The following CDH18 variants were observed in gnomAD, a reference collection of about 807,000 sequenced individuals.
CDH18 encodes the protein cadherin-18.
CDH18 carries 31 observed loss-of-function variants against 67.9 expected under a neutral mutation model. That is an observed-to-expected ratio of 0.46 (90% CI 0.34 to 0.62). The LOEUF (loss-of-function observed/expected upper bound fraction) is 0.62. Among genes scored for constraint, CDH18 ranks in the 20% least tolerant of loss-of-function variants. The pLI is 0.01. For missense variants in CDH18, 890 were observed against 975.5 expected (o/e 0.91, Z 1.17); for synonymous variants, 362 against 347.2 (o/e 1.04, Z -0.48).
intron 2 of CDH18, among the ~76,000 whole-genome samples, chr5:20,151,607 G>A (rs1706197992): frequency 6.6e-6 from 1 of 152,138 alleles, no homozygotes; most frequent in Non-Finnish European, 1.5e-5. Context: ...CTCACCAACA[G>A]TATATAGTAT....
At position 19,994,105 on chromosome 5, in the gene CDH18, A is replaced by G. The variant is rs577020362; in HGVS notation, c.-517-2091T>C. 3.3e-5 allele frequency among the ~76,000 whole-genome samples: 5 copies of G among 152,216 alleles called. No individual in the cohort carries two copies. In the East Asian group the frequency reaches 9.7e-4, roughly 29 times the overall value. On this transcript the variant is annotated intron_variant, in intron 2 of 14. Coordinates refer to the CDH18 transcript ENST00000507958. ...GAATCTTGAAAGAGGAATAAAGCAGAGGTGGCTACAGAAAAAGCAAGGAAT... is the reference window on the plus strand; with the variant it reads ...GAATCTTGAAAGAGGAATAAAGCAGGGGTGGCTACAGAAAAAGCAAGGAAT...
Position 19,500,167 on chromosome 5 carries a change from C to A in CDH18, c.1630+2825G>T, listed in dbSNP as rs569730591. 3.3e-5 allele frequency among the ~76,000 whole-genome samples: 5 copies of A among 151,982 alleles called. No individual in the cohort carries two copies. The South Asian group carries it at 1.0e-3, about 32-fold the overall frequency. On this transcript the variant is annotated intron_variant, in intron 11 of 12. Transcript: ENST00000382275. ...ACAAGACCCTGCAGTCCAGCATTTTCTGACCCTTATTCCACTGTATTTTCA... is the reference window on the plus strand; with the variant it reads ...ACAAGACCCTGCAGTCCAGCATTTTATGACCCTTATTCCACTGTATTTTCA...
intron 5 of CDH18, among the ~76,000 whole-genome samples, chr5:19,709,466 C>G (rs1764417826): frequency 6.6e-6 from 1 of 152,022 alleles, no homozygotes. Flanking sequence ...ACTCAGGAGG[C>G]TGAGGCTGGA....
intron 2 of CDH18, among the ~76,000 whole-genome samples, chr5:20,197,590 G>T (rs1447021366): frequency 6.6e-6 from 1 of 152,150 alleles, no homozygotes; most frequent in Admixed American, 6.5e-5. Context: ...CAGTGGCAGT[G>T]ATCATGATTT....
chr5:20,232,665 T>C (rs1294348287), intron 2 of CDH18, among the ~76,000 whole-genome samples: 1 of 152,124 alleles, frequency 6.6e-6, no homozygotes, highest in Non-Finnish European at 1.5e-5. Flanking sequence ...GACAAAGACA[T>C]GCCACATTGA....
rs569862729 is a variant in CDH18 at position 19,873,742 on chromosome 5, G to A, written c.-256-34500C>T. On this transcript the variant is annotated intron_variant, in intron 2 of 12. Coordinates refer to ENST00000382275, the MANE Select transcript of CDH18 (RefSeq NM_004934.5). Reference sequence around the variant, plus strand: ...GGCTCACTGCAACCTCTGCCCCCCAGGTTCAAGCAATTCTCCTGCCTCACC... The same window carrying A: ...GGCTCACTGCAACCTCTGCCCCCCAAGTTCAAGCAATTCTCCTGCCTCACC... Among the ~76,000 whole-genome samples, 276 of 152,166 alleles carry A rather than the reference G, an allele frequency of 1.8e-3. 1 individual carries two copies. Among genetic ancestry groups the A allele is most frequent in the African/African-American group, 6.4e-3 (264 of 41,522 alleles).
At chr5:19,605,435 A>T (rs774057849) in intron 6 of CDH18, among the ~76,000 whole-genome samples, 1 of 151,998 alleles carries the variant, frequency 6.6e-6, no homozygotes, top group East Asian at 1.9e-4. Context: ...TTACTCATTT[A>T]AAGTTAATTT....
At chr5:19,674,828 G>A (rs1007518429) in intron 5 of CDH18, among the ~76,000 whole-genome samples, 1 of 151,992 alleles carries the variant, frequency 6.6e-6, no homozygotes, top group Admixed American at 6.6e-5. Context: ...CACAAATCTA[G>A]ACCATTGACA....
intron 8 of CDH18, among the ~76,000 whole-genome samples, chr5:19,555,691 G>T (rs894306099): frequency 7.9e-5 from 12 of 152,102 alleles, no homozygotes; most frequent in African/African-American, 2.7e-4. Flanking sequence ...ACCTACCCTG[G>T]TAGCCCAGGA....
At chr5:19,625,205 A>G (rs979311170) in intron 5 of CDH18, among the ~76,000 whole-genome samples, 2 of 152,132 alleles carry the variant, frequency 1.3e-5, no homozygotes, top group African/African-American at 2.4e-5. Flanking sequence ...AATTATGCCT[A>G]TCCTTCTGAG....
In CDH18 at chr5:20,164,199, G is replaced by A. The variant is rs887242205; in HGVS notation, c.-518+91245C>T. On this transcript the variant is annotated intron_variant, in intron 2 of 14. Coordinates refer to the CDH18 transcript ENST00000507958. Reference sequence around the variant, plus strand: ...AGTGAGAAGAAAACAATAATCCTTCGCAACATAAGACAGACATTTTTCTTA... The same window carrying A: ...AGTGAGAAGAAAACAATAATCCTTCACAACATAAGACAGACATTTTTCTTA... Among the ~76,000 whole-genome samples, 9 of 152,132 alleles carry A rather than the reference G, an allele frequency of 5.9e-5. No individual in the cohort carries two copies. In the South Asian group the frequency reaches 8.3e-4, roughly 14 times the overall value.
chr5:20,180,982 G>A (rs1737644123), intron 2 of CDH18, among the ~76,000 whole-genome samples: 1 of 152,108 alleles, frequency 6.6e-6, no homozygotes, highest in African/African-American at 2.4e-5. Context: ...CTTCACTCAT[G>A]CTGTACTTTT....
intron 2 of CDH18, among the ~76,000 whole-genome samples, chr5:20,040,080 C>A (rs919272648): frequency 6.6e-6 from 1 of 151,874 alleles, no homozygotes; most frequent in Non-Finnish European, 1.5e-5. Flanking sequence ...ATTTATGAGG[C>A]CAACAAACAT....
intron 3 of CDH18, among the ~76,000 whole-genome samples, chr5:19,825,153 T>A (rs1780275966): frequency 6.6e-6 from 1 of 152,118 alleles, no homozygotes. Context: ...GCATTCCCAC[T>A]TCTGTGTGAA....
At chr5:19,694,580 C>G (rs1483807539) in intron 5 of CDH18, among the ~76,000 whole-genome samples, 1 of 151,982 alleles carries the variant, frequency 6.6e-6, no homozygotes, top group Non-Finnish European at 1.5e-5. Context: ...TGTACATATT[C>G]ACCAGTTTTA....
intron 2 of CDH18, among the ~76,000 whole-genome samples, chr5:20,093,218 C>T (rs1745594309): frequency 6.6e-6 from 1 of 151,770 alleles, no homozygotes. Context: ...CACACACATA[C>T]ACACACACAT....
intron 2 of CDH18, among the ~76,000 whole-genome samples, chr5:20,009,836 T>C (rs2150413444): frequency 6.6e-6 from 1 of 152,214 alleles, no homozygotes; most frequent in South Asian, 2.1e-4. Context: ...GTTCTTTGTT[T>C]TCATGCCCCT....
intron 2 of CDH18, among the ~76,000 whole-genome samples, chr5:20,088,029 T>C (rs1745122816): frequency 6.6e-6 from 1 of 152,198 alleles, no homozygotes. Flanking sequence ...ATCACTAGAT[T>C]GTTCTAACAA....
At chr5:19,820,495 A>AT (rs1779757454) in intron 3 of CDH18, among the ~76,000 whole-genome samples, 1 of 152,164 alleles carries the variant, frequency 6.6e-6, no homozygotes, top group Non-Finnish European at 1.5e-5. Context: ...GGCCCACCGC[A>AT]TTAACAGACC....
Sources: gnomAD v4.1 joint callset for allele counts (sites outside exome capture counted in the v4.1 genomes callset) on GRCh38, gnomAD v4.1.1 for gene constraint, MANE v1.5 for transcripts, NCBI Gene and HGNC (gene_info 2026-07-23, HGNC 2026-07-21) for gene names.